The following ZCCHC4 variants were observed in gnomAD, a reference collection of about 807,000 sequenced individuals.
ZCCHC4 encodes the protein zinc finger CCHC-type containing 4.
Under a neutral mutation model 67.7 loss-of-function variants are expected in ZCCHC4, and 54 were observed. That is an observed-to-expected ratio of 0.80 (90% CI 0.64 to 1.00). ZCCHC4 has a LOEUF of 1.00. Ranked by LOEUF, ZCCHC4 falls within the 50% of genes least tolerant of loss-of-function variation. The pLI is 0.00. For missense variants in ZCCHC4, 609 were observed against 617.0 expected, an observed-to-expected ratio of 0.99 and a Z score of 0.14; for synonymous variants, 198 against 213.5, an observed-to-expected ratio of 0.93 and a Z score of 0.63.
intron 3 of ZCCHC4, among the ~76,000 whole-genome samples, chr4:25,315,694 T>C (rs1007326778): frequency 6.9e-6 from 1 of 144,348 alleles, no homozygotes; most frequent in Non-Finnish European, 1.5e-5. Flanking sequence ...CCTAGTAACC[T>C]CTGATTTATT....
chr4:25,346,760 C>A (rs1360629585), intron 6 of ZCCHC4, among the ~76,000 whole-genome samples: 1 of 152,084 alleles, frequency 6.6e-6, no homozygotes, highest in East Asian at 1.9e-4. Context: ...AGCTGTTTCC[C>A]AAAGCGTTTA....
At chr4:25,348,824 C>T (rs1295050923) in intron 6 of ZCCHC4, among the ~76,000 whole-genome samples, 1 of 152,106 alleles carries the variant, frequency 6.6e-6, no homozygotes, top group Admixed American at 6.6e-5. Flanking sequence ...TTAATAACTT[C>T]ACTTATAGCA....
At chr4:25,368,965 T>C (rs1382785940) in intron 12 of ZCCHC4, 64 bp from the exon 13 acceptor site, 1 of 1,539,146 alleles carries the variant, frequency 6.5e-7, no homozygotes, top group Non-Finnish European at 8.7e-7. Context: ...TTAATTAAAC[T>C]TCAACATAAT....
intron 8 of ZCCHC4, chr4:25,352,015 G>T: frequency 9.8e-7 from 1 of 1,016,752 alleles, no homozygotes; most frequent in Non-Finnish European, 1.2e-6. Context: ...ATCACTAGGA[G>T]ATTTTGCAGC....
chr4:25,366,287 C>T, intron 12 of ZCCHC4: 1 of 492,122 alleles, frequency 2.0e-6, no homozygotes, highest in Non-Finnish European at 2.6e-6. Context: ...GTTTTAAAAA[C>T]TTAAAGAAGC....
At chr4:25,340,351 A>G (rs1297104159) in intron 5 of ZCCHC4, among the ~76,000 whole-genome samples, 1 of 152,146 alleles carries the variant, frequency 6.6e-6, no homozygotes, top group African/African-American at 2.4e-5. Flanking sequence ...TGTTCCATTG[A>G]TCTATGCCCA....
intron 5 of ZCCHC4, among the ~76,000 whole-genome samples, chr4:25,338,029 A>G (rs1719544588): frequency 6.6e-6 from 1 of 152,188 alleles, no homozygotes; most frequent in South Asian, 2.1e-4. Context: ...AACCTTTTTT[A>G]TGCATATAAA....
At chr4:25,351,716 A>T in intron 8 of ZCCHC4, 27 bp downstream of exon 8, 1 of 1,545,092 alleles carries the variant, frequency 6.5e-7, no homozygotes, top group Non-Finnish European at 8.9e-7. Context: ...GTTTTCTGGC[A>T]TGGTTGGGGA....
At chr4:25,338,867 G>T (rs999408335) in intron 5 of ZCCHC4, among the ~76,000 whole-genome samples, 1 of 152,106 alleles carries the variant, frequency 6.6e-6, no homozygotes, top group Non-Finnish European at 1.5e-5. Flanking sequence ...GAACATTTGT[G>T]TACAAATTCC....
rs577915732 is a variant in ZCCHC4, at chr4:25,333,988, G to A, written c.686G>A (p.Arg229Gln). Residue 229 changes from arginine (R) to glutamine (Q), a missense_variant and splice_region_variant, in exon 5 of 13, where the codon CGG (arginine) becomes CAG (glutamine). By Grantham distance (43) the Arg-to-Gln change is conservative. Coordinates refer to ENST00000302874, the MANE Select transcript of ZCCHC4 (RefSeq NM_024936.3). ...IKSLLLDIDF[R>Q]YSQFYMEDSF... Reference sequence around the variant, plus strand: ...AGCCTTTTATTGGATATTGATTTTCGGTAGGTTTACAAAATACAGTATTTC... The same window carrying A: ...AGCCTTTTATTGGATATTGATTTTCAGTAGGTTTACAAAATACAGTATTTC... The A allele has an allele frequency of 1.3e-5, 20 of 1,585,538 alleles. No individual in the cohort carries two copies. The highest frequency in any genetic ancestry group is 1.1e-4 in the Admixed American group (6 of 53,316).
At chr4:25,345,853 CCCGTGGGGCTCTGTGTGATCTGA>C (rs780939856) in intron 6 of ZCCHC4, among the ~76,000 whole-genome samples, 2 of 152,176 alleles carry the variant, frequency 1.3e-5, no homozygotes, top group Non-Finnish European at 2.9e-5. Context: ...TCTTAGAAGG[CCCGTGGGGCTCTGTGTGATCTGA>C]CCCCGATTTC....
intron 7 of ZCCHC4, among the ~76,000 whole-genome samples, chr4:25,350,518 C>T (rs1720254638): frequency 1.3e-5 from 2 of 152,192 alleles, no homozygotes; most frequent in South Asian, 4.1e-4. Context: ...ATCTGCCTGC[C>T]TCAGCCTCTC....
At position 25,369,347 on chromosome 4, in the gene ZCCHC4, G is replaced by A. The variant is rs868216065; in HGVS notation, c.*183G>A. On this transcript the variant is annotated 3_prime_UTR_variant, in exon 13 of 13. Transcript: ENST00000302874. ...ATCTGCCTCTCTGGAGACATGGGGAGTTGTTCCATCTTCAGCCAGTTTACT... is the reference window on the plus strand; with the variant it reads ...ATCTGCCTCTCTGGAGACATGGGGAATTGTTCCATCTTCAGCCAGTTTACT... 1 of 664,960 alleles carries A rather than the reference G, an allele frequency of 1.5e-6. No homozygotes were observed. Among genetic ancestry groups the A allele is most frequent in the Non-Finnish European group, 2.4e-6 (1 of 413,476 alleles). 41.2% of individuals were successfully genotyped at this position (664,960 alleles called of 1,614,324 possible).
intron 3 of ZCCHC4, among the ~76,000 whole-genome samples, chr4:25,325,172 A>G (rs369326375): frequency 0.2 from 14,645 of 72,572 alleles, 1,677 homozygotes; most frequent in Non-Finnish European, 0.3. Context: ...GAATCCCGGG[A>G]GGCGGAGCCT....
At position 25,337,394 on chromosome 4, in the gene ZCCHC4, C is replaced by T. The variant is rs554210587; in HGVS notation, c.686+3406C>T. Among the ~76,000 whole-genome samples, 4 of 152,282 alleles carry T rather than the reference C, an allele frequency of 2.6e-5. No homozygotes were observed. In the East Asian group the frequency reaches 7.7e-4, roughly 29 times the overall value. On this transcript the variant is annotated intron_variant, in intron 5 of 12. Coordinates refer to ENST00000302874, the MANE Select transcript of ZCCHC4 (RefSeq NM_024936.3). ...CTGCAGACAGCTTCCTTCCTACTGC[C>T]AGGGACGTTGGTGGCAGCAGCTTTA...
At chr4:25,350,276 T>TTTTTG (rs1317157713) in intron 7 of ZCCHC4, among the ~76,000 whole-genome samples, 1 of 146,436 alleles carries the variant, frequency 6.8e-6, no homozygotes, top group African/African-American at 2.6e-5. Context: ...TTTTTTTTTT[T>TTTTTG]TTGAGACAGA....
intron 3 of ZCCHC4, among the ~76,000 whole-genome samples, chr4:25,331,764 C>G (rs997005513): frequency 6.6e-6 from 1 of 152,112 alleles, no homozygotes. Flanking sequence ...TTCTAATATC[C>G]CTCTATCTCC....
chr4:25,318,077 C>T (rs1157855634), intron 3 of ZCCHC4, among the ~76,000 whole-genome samples: 1 of 152,128 alleles, frequency 6.6e-6, no homozygotes, highest in Non-Finnish European at 1.5e-5. Flanking sequence ...ACCACACGGT[C>T]CGTGGTTTCT....
intron 3 of ZCCHC4, among the ~76,000 whole-genome samples, chr4:25,325,946 C>T (rs1401735044): frequency 1.3e-5 from 2 of 152,104 alleles, no homozygotes; most frequent in Non-Finnish European, 2.9e-5. Context: ...TTTTCCAGCA[C>T]CATTTGTTGA....
Sources: allele counts gnomAD v4.1 joint callset (sites outside exome capture counted in the v4.1 genomes callset), GRCh38; gene constraint gnomAD v4.1.1; transcripts MANE v1.5; gene names NCBI Gene and HGNC (gene_info 2026-07-23, HGNC 2026-07-21).